SND1: variants seen among roughly 807,000 people sequenced by gnomAD.
SND1 encodes staphylococcal nuclease and tudor domain containing 1.
SND1 carries 38 observed loss-of-function variants against 121.7 expected under a neutral mutation model. The observed-to-expected ratio is 0.31, with a 90% CI of 0.24 to 0.41. The LOEUF (loss-of-function observed/expected upper bound fraction) is 0.41. Among genes scored for constraint, SND1 ranks in the 10% least tolerant of loss-of-function variants. The pLI is 1.00. For missense variants in SND1, 868 were observed against 1,184.6 expected (o/e 0.73, Z 3.92); for synonymous variants, 401 against 447.4 (o/e 0.90, Z 1.31).
At chr7:127,880,988 A>G (rs1799779170) in intron 12 of SND1, among the ~76,000 whole-genome samples, 1 of 152,168 alleles carries the variant, frequency 6.6e-6, no homozygotes, top group Non-Finnish European at 1.5e-5. Context: ...GATAATCAGG[A>G]AAGATGTACC....
intron 12 of SND1, chr7:127,858,192 G>T: frequency 1.3e-6 from 1 of 788,144 alleles, no homozygotes. Flanking sequence ...CCCTTCAGCC[G>T]CATGGCCAAC....
intron 1 of SND1, among the ~76,000 whole-genome samples, chr7:127,680,642 C>T (rs1795705946): frequency 6.6e-6 from 1 of 151,738 alleles, no homozygotes; most frequent in Non-Finnish European, 1.5e-5. Flanking sequence ...GTTCCCTGAA[C>T]GTTGCTGTTA....
At chr7:128,091,695 T>C in intron 22 of SND1, 142 bp from the exon 23 acceptor site, 1 of 835,634 alleles carries the variant, frequency 1.2e-6, no homozygotes, top group Non-Finnish European at 2.1e-6. Flanking sequence ...GTTTTCCGTT[T>C]TACTCTGAGG....
intron 2 of SND1, among the ~76,000 whole-genome samples, chr7:127,688,371 A>G (rs943003026): frequency 3.3e-5 from 5 of 152,042 alleles, no homozygotes; most frequent in African/African-American, 1.2e-4. Context: ...ACTTTGAAAC[A>G]TTAGTGCTTT....
At chr7:127,675,170 C>G (rs1774799602) in intron 1 of SND1, among the ~76,000 whole-genome samples, 1 of 152,210 alleles carries the variant, frequency 6.6e-6, no homozygotes, top group African/African-American at 2.4e-5. Flanking sequence ...CATTGCACTG[C>G]AGCCTGGGCA....
chr7:127,684,361 G>A (rs780620197), intron 1 of SND1, among the ~76,000 whole-genome samples: 9 of 152,168 alleles, frequency 5.9e-5, no homozygotes, highest in Non-Finnish European at 1.2e-4. Context: ...CAGATGTTCT[G>A]GTTTGTGTGC....
At chr7:128,036,604 T>G (rs1449885616) in intron 16 of SND1, among the ~76,000 whole-genome samples, 1 of 152,224 alleles carries the variant, frequency 6.6e-6, no homozygotes, top group Non-Finnish European at 1.5e-5. Flanking sequence ...GACACAGTGC[T>G]TAGTACAAAC....
intron 15 of SND1, among the ~76,000 whole-genome samples, chr7:127,936,040 T>TATGTAGA (rs1366601564): frequency 6.6e-6 from 1 of 152,182 alleles, no homozygotes; most frequent in Non-Finnish European, 1.5e-5. Context: ...TGCACCCCTG[T>TATGTAGA]ATGTAGAATG....
Position 128,092,039 on chromosome 7 carries a change from A to C in SND1, c.2714A>C (p.Glu905Ala). The C allele has an allele frequency of 6.2e-7, 1 of 1,614,050 alleles. No homozygotes were observed. The highest frequency in any genetic ancestry group is 1.3e-5 in the African/African-American group (1 of 75,038). The change falls in exon 24 of 24, where the codon GAA becomes GCA. Residue 905 changes from glutamate (E) to alanine (A), a missense_variant. This residue lies in a region of SND1 where 743 missense variants were observed against 1,071.3 expected (regional missense o/e 0.69). Coordinates refer to ENST00000354725, the MANE Select transcript of SND1 (RefSeq NM_014390.4). This position sits in a 1 kb window ranked among gnomAD's most constrained non-coding sequence, Gnocchi z 4.9. ...YGDFRADDAD[E>A]FGYSR ...GACTTTCGAGCTGATGATGCAGACGAATTTGGCTACAGCCGCTAAGGAGGG... is the reference window on the plus strand; with the variant it reads ...GACTTTCGAGCTGATGATGCAGACGCATTTGGCTACAGCCGCTAAGGAGGG...
chr7:127,802,693 G>A (rs1003260725), intron 10 of SND1, among the ~76,000 whole-genome samples: 1 of 152,114 alleles, frequency 6.6e-6, no homozygotes, highest in African/African-American at 2.4e-5. Flanking sequence ...CTCCATGTTT[G>A]TATACCCAAC....
chr7:127,807,423 C>A, intron 10 of SND1, 61 bp from the exon 11 acceptor site: 1 of 1,277,110 alleles, frequency 7.8e-7, no homozygotes, highest in Non-Finnish European at 1.1e-6. Context: ...ATATCTTGTG[C>A]TGTTGTACAT....
At chr7:128,070,115 G>A (rs1793383067) in intron 16 of SND1, among the ~76,000 whole-genome samples, 1 of 152,180 alleles carries the variant, frequency 6.6e-6, no homozygotes, top group African/African-American at 2.4e-5. Context: ...ACATCTGAAG[G>A]TCACATTGAC....
intron 16 of SND1, among the ~76,000 whole-genome samples, chr7:127,995,757 G>GAGAAACCC (rs1419957464): frequency 1.3e-5 from 2 of 152,178 alleles, no homozygotes; most frequent in African/African-American, 4.8e-5. Context: ...TGCTGTGTTG[G>GAGAAACCC]AGAAACCCGA....
Position 127,888,010 on chromosome 7 carries a change from C to T in SND1, c.1452C>T (p.Ala484=). ...ACGATGAACTGCTTGCTGCAGAGGC[C>T]AGGTAAGACCAAACATTACTAAACA... ...SHYDELLAAE[A]RAIKNGKGLH... is the part of the protein sequence containing the mutation. Residue 484 remains alanine, a splice_region_variant and synonymous_variant, in exon 13 of 24, where the codon GCC becomes GCT. Transcript: ENST00000354725. 1 of 1,607,384 alleles carries T rather than the reference C, an allele frequency of 6.2e-7. No individual in the cohort carries two copies. Among genetic ancestry groups the T allele is most frequent in the Non-Finnish European group, 8.5e-7 (1 of 1,174,834 alleles).
intron 11 of SND1, among the ~76,000 whole-genome samples, chr7:127,843,393 TG>T (rs1248630375): frequency 6.6e-6 from 1 of 152,202 alleles, no homozygotes; most frequent in African/African-American, 2.4e-5. Flanking sequence ...CTATAACTCC[TG>T]GCAAAATTCC....
At chr7:128,046,758 CGT>C (rs1366610071) in intron 16 of SND1, among the ~76,000 whole-genome samples, 22 of 152,138 alleles carry the variant, frequency 1.4e-4, no homozygotes, top group African/African-American at 5.1e-4. Flanking sequence ...CAGCACCTAG[CGT>C]GTGTCTTTAT....
chr7:127,711,512 T>G (rs528063856), intron 9 of SND1, among the ~76,000 whole-genome samples: 2 of 152,262 alleles, frequency 1.3e-5, no homozygotes, highest in Admixed American at 1.3e-4. Context: ...ATATATTTTT[T>G]TCTTTCTGAA....
chr7:128,030,711 CT>C, intron 16 of SND1: 2 of 1,496,386 alleles, frequency 1.3e-6, no homozygotes, highest in Non-Finnish European at 1.8e-6. Context: ...CCTACCCCGG[CT>C]TAAGTGAGCT....
intron 15 of SND1, among the ~76,000 whole-genome samples, chr7:127,979,421 CCACA>C (rs1304421081): frequency 6.6e-6 from 1 of 152,144 alleles, no homozygotes; most frequent in Non-Finnish European, 1.5e-5. Context: ...TAGGGTTGGA[CCACA>C]CACTCTAAGC....
Sources: gnomAD v4.1 joint callset for allele counts (sites outside exome capture counted in the v4.1 genomes callset) on GRCh38, gnomAD v4.1.1 for gene constraint, gnomAD v4.1.1 regional missense constraint, Gnocchi (gnomAD v3.1) non-coding constraint, MANE v1.5 for transcripts, NCBI Gene and HGNC (gene_info 2026-07-23, HGNC 2026-07-21) for gene names.